The following CSMD1 variants were observed in gnomAD, a reference collection of about 807,000 sequenced individuals.
The protein encoded by CSMD1 is CUB and sushi domain-containing protein 1.
CSMD1 carries 213 observed loss-of-function variants against 417.5 expected under a neutral mutation model. The observed-to-expected ratio is 0.51, with a 90% confidence interval of 0.46 to 0.57. CSMD1 has a LOEUF of 0.57. Ranked by LOEUF, CSMD1 falls within the 20% of genes least tolerant of loss-of-function variation. The probability of loss-of-function intolerance (pLI) is 0.00; values close to 1 mark genes in which losing one functional copy is unlikely to be tolerated. For synonymous variants in CSMD1, 2,862 were observed against 1,736.8 expected, an observed-to-expected ratio of 1.65 and a Z score of -16.11; for missense variants, 6,923 against 4,529.7, an observed-to-expected ratio of 1.53 and a Z score of -15.17.
chr8:3,874,686 G>A (rs114049421), intron 5 of CSMD1, among the ~76,000 whole-genome samples: 2,344 of 152,188 alleles, frequency 0.015, 63 homozygotes, highest in African/African-American at 0.052. Flanking sequence ...TGAAAACTCT[G>A]CAAGTCCCTC....
At chr8:4,081,825 A>G (rs374818940) in intron 3 of CSMD1, among the ~76,000 whole-genome samples, 41 of 149,868 alleles carry the variant, frequency 2.7e-4, no homozygotes, top group African/African-American at 9.2e-4. Flanking sequence ...TGTTACAAAT[A>G]AAGTTAAAAA....
At chr8:4,364,354 G>A (rs1022536517) in intron 3 of CSMD1, among the ~76,000 whole-genome samples, 4 of 152,006 alleles carry the variant, frequency 2.6e-5, no homozygotes, top group African/African-American at 9.7e-5. Flanking sequence ...TCTTACCTAA[G>A]AAAACAGCTT....
At chr8:3,374,846 C>G (rs1209986024) in intron 18 of CSMD1, among the ~76,000 whole-genome samples, 1 of 152,194 alleles carries the variant, frequency 6.6e-6, no homozygotes, top group Non-Finnish European at 1.5e-5. Context: ...CACCCCATCA[C>G]TTCCCCAGAC....
intron 3 of CSMD1, among the ~76,000 whole-genome samples, chr8:4,162,534 A>G (rs1272517652): frequency 6.6e-6 from 1 of 152,176 alleles, no homozygotes; most frequent in Non-Finnish European, 1.5e-5. Flanking sequence ...TTAAATTTTG[A>G]TATTTTTAAT....
chr8:3,715,310 T>A (rs1275829794), intron 6 of CSMD1, among the ~76,000 whole-genome samples: 1 of 152,178 alleles, frequency 6.6e-6, no homozygotes, highest in Non-Finnish European at 1.5e-5. Flanking sequence ...TAAACATCAG[T>A]AGGAGCTATG....
intron 1 of CSMD1, among the ~76,000 whole-genome samples, chr8:4,892,387 G>C (rs1804179872): frequency 6.6e-6 from 1 of 152,050 alleles, no homozygotes; most frequent in African/African-American, 2.4e-5. Flanking sequence ...GGGGAGTTGA[G>C]AATCCTGAGC....
chr8:3,614,275 A>G (rs911214870), intron 8 of CSMD1, among the ~76,000 whole-genome samples: 1 of 152,152 alleles, frequency 6.6e-6, no homozygotes, highest in African/African-American at 2.4e-5. Context: ...CTGAGATAAG[A>G]TTCTACAGAA....
chr8:3,931,200 G>A lies in CSMD1; in HGVS notation c.818+66703C>T, dbSNP rs778401500. On this transcript the variant is annotated intron_variant, in intron 5 of 69. Transcript: ENST00000635120. Reference sequence around the variant, plus strand: ...TCTTCCCCTCATATCCATTTAGGAAGACACTAAATAAATGAGGTTCGGAGA... The same window carrying A: ...TCTTCCCCTCATATCCATTTAGGAAAACACTAAATAAATGAGGTTCGGAGA... 4.4e-4 allele frequency among the ~76,000 whole-genome samples: 67 copies of A among 150,768 alleles called. 2 individuals carry two copies. Among genetic ancestry groups the A allele is most frequent in the Non-Finnish European group, 7.4e-4 (50 of 67,602 alleles).
At chr8:4,845,864 C>G (rs1801110381) in intron 1 of CSMD1, among the ~76,000 whole-genome samples, 1 of 152,170 alleles carries the variant, frequency 6.6e-6, no homozygotes. Context: ...TTCCCACTAC[C>G]TAATGAGGAT....
At chr8:3,106,915 G>C (rs962061748) in intron 45 of CSMD1, 1 of 301,402 alleles carries the variant, frequency 3.3e-6, no homozygotes, top group African/African-American at 2.2e-5. Flanking sequence ...CCCTTCCCCA[G>C]TGATTGCTGA....
intron 5 of CSMD1, among the ~76,000 whole-genome samples, chr8:3,930,938 T>C (rs141442785): frequency 2.7e-5 from 4 of 150,572 alleles, no homozygotes. Flanking sequence ...GTTGCTAGGA[T>C]TCTTAAAAAC....
intron 1 of CSMD1, among the ~76,000 whole-genome samples, chr8:4,943,966 G>C (rs1050729309): frequency 2.0e-5 from 3 of 152,138 alleles, no homozygotes; most frequent in African/African-American, 7.2e-5. Context: ...TTAAGGGAAA[G>C]AAACATGACA....
At chr8:4,386,415 C>G (rs1353654909) in intron 3 of CSMD1, among the ~76,000 whole-genome samples, 1 of 152,234 alleles carries the variant, frequency 6.6e-6, no homozygotes, top group Non-Finnish European at 1.5e-5. Context: ...GACTTCCATC[C>G]CACTCAAACA....
chr8:4,399,280 A>G (rs540427836), intron 3 of CSMD1, among the ~76,000 whole-genome samples: 20 of 152,322 alleles, frequency 1.3e-4, no homozygotes, highest in African/African-American at 4.8e-4. Flanking sequence ...ACAAAGGACC[A>G]TCATTAGTAA....
At chr8:4,652,907 G>C (rs1479713003) in intron 1 of CSMD1, among the ~76,000 whole-genome samples, 1 of 151,418 alleles carries the variant, frequency 6.6e-6, no homozygotes, top group Non-Finnish European at 1.5e-5. Flanking sequence ...CGCTGCTGAT[G>C]TGGTGGGGTG....
chr8:4,007,612 G>A (rs1816228423), intron 4 of CSMD1, among the ~76,000 whole-genome samples: 1 of 152,058 alleles, frequency 6.6e-6, no homozygotes, highest in Non-Finnish European at 1.5e-5. Flanking sequence ...AGCTTTATGA[G>A]CCTGTTCTTG....
In CSMD1 at chr8:4,185,348, G is replaced by C. The variant is rs188081662; in HGVS notation, c.416-153249C>G. 4.6e-5 allele frequency among the ~76,000 whole-genome samples: 7 copies of C among 152,036 alleles called. No individual in the cohort carries two copies. In the South Asian group the frequency reaches 6.2e-4, roughly 14 times the overall value. On this transcript the variant is annotated intron_variant, in intron 3 of 69. Transcript: ENST00000635120. Reference sequence around the variant, plus strand: ...AGGGCTCACAATAGTTTTGTCACAGGTTTACTATGAAGATTAAATTGGACA... The same window carrying C: ...AGGGCTCACAATAGTTTTGTCACAGCTTTACTATGAAGATTAAATTGGACA...
intron 10 of CSMD1, among the ~76,000 whole-genome samples, chr8:3,514,624 T>C (rs1797212160): frequency 6.6e-6 from 1 of 152,244 alleles, no homozygotes; most frequent in Admixed American, 6.5e-5. Context: ...ACTACTTTTT[T>C]CAGTGCTAGT....
chr8:4,425,456 A>G (rs1417024073), intron 2 of CSMD1, among the ~76,000 whole-genome samples: 1 of 152,052 alleles, frequency 6.6e-6, no homozygotes, highest in Non-Finnish European at 1.5e-5. Flanking sequence ...ATTGATCATA[A>G]AGAGCTTTCA....
Sources: allele counts gnomAD v4.1 joint callset (sites outside exome capture counted in the v4.1 genomes callset), GRCh38; gene constraint gnomAD v4.1.1; transcripts MANE v1.5; gene names NCBI Gene and HGNC (gene_info 2026-07-23, HGNC 2026-07-21).